Variants in KCNH7 observed in about 807,000 individuals in gnomAD.
The protein encoded by KCNH7 is potassium voltage-gated channel subfamily H member 7.
Under a neutral mutation model 120.8 loss-of-function variants are expected in KCNH7, and 49 were observed. The observed-to-expected ratio is 0.41, with a 90% CI of 0.32 to 0.51. KCNH7 has a LOEUF of 0.51. KCNH7 is among the 20% of genes least tolerant of loss of function. The probability of loss-of-function intolerance (pLI) is 0.38; values close to 1 mark genes in which losing one functional copy is unlikely to be tolerated. For synonymous variants in KCNH7, 547 were observed against 516.1 expected (o/e 1.06, Z -0.81); for missense variants, 1,097 against 1,446.6 (o/e 0.76, Z 3.92).
At chr2:162,498,080 G>A (rs1690553880) in intron 6 of KCNH7, among the ~76,000 whole-genome samples, 1 of 151,970 alleles carries the variant, frequency 6.6e-6, no homozygotes, top group Non-Finnish European at 1.5e-5. Flanking sequence ...TATACTTGTG[G>A]ACTAGTAGTA....
intron 6 of KCNH7, among the ~76,000 whole-genome samples, chr2:162,483,323 T>G (rs1051600926): frequency 2.6e-5 from 4 of 152,172 alleles, no homozygotes; most frequent in Non-Finnish European, 5.9e-5. Flanking sequence ...AATAATGGGC[T>G]ATACCAACAA....
intron 9 of KCNH7, among the ~76,000 whole-genome samples, chr2:162,413,172 C>T (rs1405532181): frequency 6.6e-6 from 1 of 151,938 alleles, no homozygotes; most frequent in Non-Finnish European, 1.5e-5. Context: ...TCTTGTCCCC[C>T]AGGGTGGAGT....
intron 3 of KCNH7, among the ~76,000 whole-genome samples, chr2:162,521,575 T>G (rs1178388690): frequency 6.6e-6 from 1 of 151,894 alleles, no homozygotes; most frequent in African/African-American, 2.4e-5. Flanking sequence ...CAGTTAATAG[T>G]GACACAAATC....
chr2:162,701,566 T>C (rs1159902757), intron 2 of KCNH7, among the ~76,000 whole-genome samples: 3 of 152,116 alleles, frequency 2.0e-5, no homozygotes, highest in African/African-American at 4.8e-5. Flanking sequence ...AAATGGCTAT[T>C]TGGGGAGCAG....
intron 2 of KCNH7, among the ~76,000 whole-genome samples, chr2:162,820,316 C>A (rs1685074058): frequency 6.6e-6 from 1 of 150,588 alleles, no homozygotes; most frequent in Admixed American, 6.6e-5. Flanking sequence ...ACCTCGTGAT[C>A]CGCCTGCCTC....
In KCNH7 at chr2:162,463,238, C is replaced by T. The variant is rs1473956408; in HGVS notation, c.1129-16795G>A. Among the ~76,000 whole-genome samples, 9 of 149,752 alleles carry T rather than the reference C, an allele frequency of 6.0e-5. No individual in the cohort carries two copies. The South Asian group carries it at 6.2e-4, about 10-fold the overall frequency. On this transcript the variant is annotated intron_variant, in intron 6 of 15. Coordinates refer to ENST00000332142, the MANE Select transcript of KCNH7 (RefSeq NM_033272.4). ...CAAGGAATAGAAAGTGCCAGAATAG[C>T]TATAGGCCAATTCCACAGAACCATA...
intron 2 of KCNH7, among the ~76,000 whole-genome samples, chr2:162,601,399 C>CTTTTTTTT (rs60201823): frequency 0.015 from 145 of 9,540 alleles, 28 homozygotes; most frequent in Admixed American, 0.022. Context: ...ACTTCTTGTG[C>CTTTTTTTT]TTTTTTTTTT....
intron 2 of KCNH7, among the ~76,000 whole-genome samples, chr2:162,632,649 G>C (rs909521092): frequency 6.6e-6 from 1 of 151,562 alleles, no homozygotes; most frequent in Non-Finnish European, 1.5e-5. Context: ...TTCCATAATC[G>C]ATCAATGGAA....
chr2:162,595,781 CTGTT>C (rs1166401207), intron 2 of KCNH7, among the ~76,000 whole-genome samples: 2 of 151,902 alleles, frequency 1.3e-5, no homozygotes, highest in African/African-American at 4.8e-5. Flanking sequence ...GATATTATCT[CTGTT>C]TGCCAATGTT....
At chr2:162,375,448 GCTTCAGCATC>G (rs1169941469) in intron 14 of KCNH7, among the ~76,000 whole-genome samples, 1 of 152,170 alleles carries the variant, frequency 6.6e-6, no homozygotes, top group Non-Finnish European at 1.5e-5. Flanking sequence ...GGAAGGTGAG[GCTTCAGCATC>G]CATACATCCA....
chr2:162,388,093 A>C (rs778459055), intron 12 of KCNH7, among the ~76,000 whole-genome samples: 7 of 151,784 alleles, frequency 4.6e-5, no homozygotes. Flanking sequence ...AAATTTTTTC[A>C]TTTAAGATCA....
intron 2 of KCNH7, among the ~76,000 whole-genome samples, chr2:162,698,957 A>G (rs1686394447): frequency 6.6e-6 from 1 of 152,160 alleles, no homozygotes; most frequent in African/African-American, 2.4e-5. Context: ...TATTAAATTG[A>G]CAAATAAAAA....
chr2:162,724,827 TAAGA>T (rs1687461609), intron 2 of KCNH7, among the ~76,000 whole-genome samples: 1 of 152,174 alleles, frequency 6.6e-6, no homozygotes, highest in African/African-American at 2.4e-5. Context: ...AAACCATGGC[TAAGA>T]AAGGACTACT....
At chr2:162,635,921 A>T (rs1383230268) in intron 2 of KCNH7, among the ~76,000 whole-genome samples, 3 of 152,046 alleles carry the variant, frequency 2.0e-5, no homozygotes, top group Non-Finnish European at 4.4e-5. Flanking sequence ...GCTATCAAAT[A>T]TGCCTCCTTA....
intron 5 of KCNH7, among the ~76,000 whole-genome samples, chr2:162,506,032 G>C (rs892101556): frequency 6.6e-6 from 1 of 151,834 alleles, no homozygotes; most frequent in African/African-American, 2.4e-5. Context: ...TATTATAAAA[G>C]TTTGAAGTAA....
At chr2:162,464,765 C>A (rs778273556) in intron 6 of KCNH7, among the ~76,000 whole-genome samples, 8 of 152,014 alleles carry the variant, frequency 5.3e-5, no homozygotes, top group Non-Finnish European at 1.2e-4. Flanking sequence ...TAACATAACT[C>A]ATTTCATAAA....
At chr2:162,377,664 T>C (rs1001250467) in intron 14 of KCNH7, among the ~76,000 whole-genome samples, 3 of 152,092 alleles carry the variant, frequency 2.0e-5, no homozygotes, top group African/African-American at 7.2e-5. Context: ...TTTGTGATAG[T>C]TTTTGTTATC....
chr2:162,681,591 C>T (rs185052756), intron 2 of KCNH7, among the ~76,000 whole-genome samples: 1 of 151,814 alleles, frequency 6.6e-6, no homozygotes, highest in Admixed American at 6.6e-5. Flanking sequence ...GTATAATATT[C>T]ATACTGTTCG....
At chr2:162,566,193 T>C (rs1693247167) in intron 2 of KCNH7, among the ~76,000 whole-genome samples, 1 of 152,042 alleles carries the variant, frequency 6.6e-6, no homozygotes, top group Non-Finnish European at 1.5e-5. Flanking sequence ...ATCTGTTGTT[T>C]ATTATTCTGT....
Sources: gnomAD v4.1 joint callset for allele counts (sites outside exome capture counted in the v4.1 genomes callset) on GRCh38, gnomAD v4.1.1 for gene constraint, MANE v1.5 for transcripts, NCBI Gene and HGNC (gene_info 2026-07-23, HGNC 2026-07-21) for gene names.